Variants in DSCAML1 observed in about 807,000 individuals in gnomAD.
DSCAML1 encodes the protein cell adhesion molecule DSCAML1.
DSCAML1 carries 38 observed loss-of-function variants against 200.5 expected under a neutral mutation model. The ratio of observed to expected loss-of-function variants is 0.19; its 90% CI spans 0.15 to 0.25. DSCAML1 has a LOEUF of 0.25. Ranked by LOEUF, DSCAML1 falls within the 10% of genes least tolerant of loss-of-function variation. The pLI, the probability that DSCAML1 is intolerant of heterozygous loss-of-function variation, is 1.00. For synonymous variants in DSCAML1, 1,215 were observed against 1,165.0 expected, an observed-to-expected ratio of 1.04 and a Z score of -0.87; for missense variants, 2,223 against 2,858.8, an observed-to-expected ratio of 0.78 and a Z score of 5.07.
At chr11:117,477,705 G>C in intron 14 of DSCAML1, among the ~76,000 whole-genome samples, 1 of 152,162 alleles carries the variant, frequency 6.6e-6, no homozygotes, top group African/African-American at 2.4e-5. Context: ...ATCCCATGAG[G>C]TAGGCATCAC....
intron 3 of DSCAML1, among the ~76,000 whole-genome samples, chr11:117,555,676 G>A (rs1006327495): frequency 2.6e-4 from 40 of 152,290 alleles, no homozygotes; most frequent in African/African-American, 9.1e-4. Flanking sequence ...GGGGTTTGGC[G>A]GGTGATGAAT....
chr11:117,739,992 G>A (rs1015403776), intron 3 of DSCAML1, among the ~76,000 whole-genome samples: 1 of 152,110 alleles, frequency 6.6e-6, no homozygotes, highest in East Asian at 1.9e-4. Flanking sequence ...TAGCATTCAG[G>A]GGCTGTGACG....
At chr11:117,467,107 C>G (rs73577983) in intron 16 of DSCAML1, among the ~76,000 whole-genome samples, 1 of 103,556 alleles carries the variant, frequency 9.7e-6, no homozygotes, top group African/African-American at 4.8e-5. Context: ...CCACTGGCAT[C>G]GGTCTGGGGC....
intron 3 of DSCAML1, among the ~76,000 whole-genome samples, chr11:117,722,559 A>G (rs1307123578): frequency 1.3e-5 from 2 of 152,156 alleles, no homozygotes; most frequent in Non-Finnish European, 2.9e-5. Flanking sequence ...GAAATGATAA[A>G]TGTTTGAGGT....
intron 14 of DSCAML1, among the ~76,000 whole-genome samples, chr11:117,477,349 AGTGTGTGTGT>A (rs5795087): frequency 0.18 from 24,941 of 140,010 alleles, 2,229 homozygotes; most frequent in East Asian, 0.28. Flanking sequence ...TGGTTCTGAA[AGTGTGTGTGT>A]GTGTGTGTGT....
At position 117,618,585 on chromosome 11, in the gene DSCAML1, CA is replaced by C. The variant is rs1044727106; in HGVS notation, c.512-86064del. ...AAACCCATCCATCAGAATAGTGCTG[CA>C]AAAAAATTCTAGCCCTACAATAAAA... is the stretch of plus-strand genomic sequence containing the variant. On this transcript the variant is annotated intron_variant, in intron 3 of 32. Transcript: ENST00000651296. Among the ~76,000 whole-genome samples the C allele has an allele frequency of 2.0e-5, 3 of 151,844 alleles. 1 individual carries two copies. The highest frequency in any genetic ancestry group is 4.4e-5 in the Non-Finnish European group (3 of 67,972).
intron 3 of DSCAML1, among the ~76,000 whole-genome samples, chr11:117,571,105 AGCCCT>A (rs2050841515): frequency 6.6e-6 from 1 of 152,266 alleles, no homozygotes; most frequent in African/African-American, 2.4e-5. Context: ...AGACGAGCAG[AGCCCT>A]GGTGGGGACG....
At chr11:117,657,504 A>T (rs964526880) in intron 3 of DSCAML1, among the ~76,000 whole-genome samples, 5 of 152,152 alleles carry the variant, frequency 3.3e-5, no homozygotes, top group Non-Finnish European at 7.3e-5. Context: ...TGTAACAATC[A>T]TATTTCCATT....
intron 17 of DSCAML1, among the ~76,000 whole-genome samples, chr11:117,461,986 C>T (rs2048491487): frequency 6.6e-6 from 1 of 152,200 alleles, no homozygotes; most frequent in Non-Finnish European, 1.5e-5. Flanking sequence ...GCCACCAAGC[C>T]AGCCCTGGAG....
chr11:117,599,724 C>G (rs2051430020), intron 3 of DSCAML1, among the ~76,000 whole-genome samples: 1 of 152,210 alleles, frequency 6.6e-6, no homozygotes, highest in South Asian at 2.1e-4. Context: ...GACCCTGGTT[C>G]TGGTTAGACC....
At position 117,463,235 on chromosome 11, in the gene DSCAML1, T is replaced by C. The variant is rs1331000850; in HGVS notation, c.3266-1639A>G. ...CTGTTGTTTTCTGGATAGATGGTTC[T>C]AGATGGTTTAATCTCCTTGAGCCTT... On this transcript the variant is annotated intron_variant, in intron 17 of 32. Coordinates refer to ENST00000651296, the MANE Select transcript of DSCAML1 (RefSeq NM_020693.4). This position sits in a 1 kb window ranked among gnomAD's most constrained non-coding sequence, Gnocchi z 4.0. Among the ~76,000 whole-genome samples the C allele has an allele frequency of 2.0e-5, 3 of 152,240 alleles. No individual in the cohort carries two copies. Among genetic ancestry groups the C allele is most frequent in the African/African-American group, 4.8e-5 (2 of 41,464 alleles).
intron 3 of DSCAML1, among the ~76,000 whole-genome samples, chr11:117,745,098 T>C (rs66695315): frequency 1.3e-5 from 2 of 151,530 alleles, no homozygotes; most frequent in South Asian, 4.2e-4. Context: ...CCATTTTGTA[T>C]GAAGTTCAAA....
chr11:117,643,692 G>C (rs959527725), intron 3 of DSCAML1, among the ~76,000 whole-genome samples: 2 of 152,016 alleles, frequency 1.3e-5, no homozygotes, highest in East Asian at 3.9e-4. Context: ...GGGGAGGAGT[G>C]GGGGGTGCCC....
chr11:117,580,164 G>A (rs1459255274), intron 3 of DSCAML1, among the ~76,000 whole-genome samples: 2 of 152,212 alleles, frequency 1.3e-5, no homozygotes, highest in Admixed American at 1.3e-4. Context: ...GCAGAGAGTA[G>A]GGAGGAAATG....
chr11:117,581,075 G>A (rs2051029242), intron 3 of DSCAML1, among the ~76,000 whole-genome samples: 1 of 152,192 alleles, frequency 6.6e-6, no homozygotes, highest in Non-Finnish European at 1.5e-5. Flanking sequence ...AGGCTGGAAG[G>A]GACCGCTGCA....
chr11:117,431,275 T>C (rs1223086744), intron 31 of DSCAML1, among the ~76,000 whole-genome samples: 1 of 152,168 alleles, frequency 6.6e-6, no homozygotes, highest in Non-Finnish European at 1.5e-5. Flanking sequence ...CAGCCCTTTC[T>C]CCAATGAACA....
At chr11:117,531,011 GATAGA>G (rs2050067557) in intron 4 of DSCAML1, among the ~76,000 whole-genome samples, 1 of 152,184 alleles carries the variant, frequency 6.6e-6, no homozygotes, top group African/African-American at 2.4e-5. Context: ...ATCAGAATTA[GATAGA>G]ATAGAATAGA....
intron 1 of DSCAML1, among the ~76,000 whole-genome samples, chr11:117,787,180 G>C (rs2055372148): frequency 1.3e-5 from 2 of 152,166 alleles, no homozygotes; most frequent in Non-Finnish European, 2.9e-5. Flanking sequence ...TCACCTTTCT[G>C]TGCCTCAGTT....
intron 1 of DSCAML1, among the ~76,000 whole-genome samples, chr11:117,795,077 G>A (rs898604440): frequency 4.6e-5 from 7 of 152,092 alleles, no homozygotes; most frequent in African/African-American, 7.2e-5. Flanking sequence ...ATCTGCTCCC[G>A]CCCTATCAAA....
Sources: allele counts gnomAD v4.1 joint callset (sites outside exome capture counted in the v4.1 genomes callset), GRCh38; gene constraint gnomAD v4.1.1; non-coding constraint Gnocchi (gnomAD v3.1); transcripts MANE v1.5; gene names NCBI Gene and HGNC (gene_info 2026-07-23, HGNC 2026-07-21).